GADL1: variants seen among roughly 807,000 people sequenced by gnomAD.
GADL1 encodes GAD like acidic amino acid decarboxylase 1, also known as acidic amino acid decarboxylase GADL1.
GADL1 carries 71 observed loss-of-function variants against 69.5 expected under a neutral mutation model. That is an observed-to-expected ratio of 1.02 (90% confidence interval 0.84 to 1.25). The LOEUF (loss-of-function observed/expected upper bound fraction) is 1.25, where lower values mean the gene tolerates loss of function less well. Ranked by LOEUF, GADL1 falls within the 50% of genes most tolerant of loss-of-function variation. GADL1 has a pLI of 0.00. For synonymous variants in GADL1, 254 were observed against 214.4 expected (o/e 1.18, Z -1.62); for missense variants, 737 against 631.8 (o/e 1.17, Z -1.79).
intron 13 of GADL1, among the ~76,000 whole-genome samples, chr3:30,780,222 T>A (rs1696633963): frequency 6.6e-6 from 1 of 152,208 alleles, no homozygotes; most frequent in Non-Finnish European, 1.5e-5. Context: ...TTCCAAGTTG[T>A]GGCATGGCCC....
At chr3:30,766,669 A>G (rs9823275) in intron 14 of GADL1, among the ~76,000 whole-genome samples, 15,356 of 152,182 alleles carry the variant, frequency 0.1, 2,110 homozygotes, top group African/African-American at 0.32. Flanking sequence ...CTGCCAAGCC[A>G]GTGTGTTTTT....
At chr3:30,765,792 T>C (rs564933567) in intron 14 of GADL1, among the ~76,000 whole-genome samples, 3 of 152,306 alleles carry the variant, frequency 2.0e-5, no homozygotes, top group South Asian at 4.1e-4. Context: ...TACTGTATCA[T>C]AGGGGAATTG....
At chr3:30,882,750 T>C (rs1698659366) in intron 1 of GADL1, among the ~76,000 whole-genome samples, 2 of 151,996 alleles carry the variant, frequency 1.3e-5, no homozygotes, top group South Asian at 4.1e-4. Flanking sequence ...CTATTTTACA[T>C]AGCAGTTACA....
chr3:30,846,799 C>A (rs1299406585), intron 6 of GADL1, among the ~76,000 whole-genome samples: 1 of 152,108 alleles, frequency 6.6e-6, no homozygotes, highest in African/African-American at 2.4e-5. Flanking sequence ...GTGGAGAAGA[C>A]CTGCAATCAC....
chr3:30,734,962 A>G (rs1695520954), intron 14 of GADL1, among the ~76,000 whole-genome samples: 2 of 152,174 alleles, frequency 1.3e-5, no homozygotes, highest in Non-Finnish European at 2.9e-5. Flanking sequence ...AAGAGGGGAA[A>G]ATAATAGCCT....
chr3:30,865,968 CAG>C (rs1430874489), intron 1 of GADL1, among the ~76,000 whole-genome samples: 1 of 151,114 alleles, frequency 6.6e-6, no homozygotes. Flanking sequence ...TTGCTTTGTT[CAG>C]AGAGATACAT....
At chr3:30,859,086 G>A (rs907783341) in intron 2 of GADL1, among the ~76,000 whole-genome samples, 3 of 151,968 alleles carry the variant, frequency 2.0e-5, no homozygotes, top group Non-Finnish European at 4.4e-5. Flanking sequence ...ACTTAGAGAG[G>A]TGGGGGCGGA....
chr3:30,761,663 T>C (rs1416764955), intron 14 of GADL1, among the ~76,000 whole-genome samples: 2 of 151,942 alleles, frequency 1.3e-5, no homozygotes, highest in Admixed American at 6.6e-5. Flanking sequence ...TGTAGTAACT[T>C]TTTAAAAAAG....
chr3:30,783,462 CTTG>C (rs1209309848), intron 13 of GADL1, among the ~76,000 whole-genome samples: 16 of 151,952 alleles, frequency 1.1e-4, no homozygotes, highest in Non-Finnish European at 1.8e-4. Context: ...TGGGTATTGT[CTTG>C]TTATGTTCAC....
chr3:30,754,083 G>A (rs1258039629), intron 14 of GADL1, among the ~76,000 whole-genome samples: 1 of 152,168 alleles, frequency 6.6e-6, no homozygotes, highest in African/African-American at 2.4e-5. Flanking sequence ...TAGTCACACA[G>A]GCTTTCCTGA....
chr3:30,825,527 T>G (rs1216001795), intron 11 of GADL1, among the ~76,000 whole-genome samples: 1 of 151,918 alleles, frequency 6.6e-6, no homozygotes, highest in Non-Finnish European at 1.5e-5. Flanking sequence ...CAGGTATGTT[T>G]TAAGATATCT....
intron 13 of GADL1, among the ~76,000 whole-genome samples, chr3:30,783,886 T>C (rs1030271725): frequency 6.6e-6 from 1 of 152,134 alleles, no homozygotes; most frequent in African/African-American, 2.4e-5. Context: ...AGGAAGAATA[T>C]ATAAAGAACT....
At chr3:30,749,758 G>A (rs751253341) in intron 14 of GADL1, among the ~76,000 whole-genome samples, 175 of 152,248 alleles carry the variant, frequency 1.1e-3, no homozygotes, top group Middle Eastern at 6.8e-3. Flanking sequence ...GGTTTCATTC[G>A]CCCCAGCTGA....
intron 14 of GADL1, among the ~76,000 whole-genome samples, chr3:30,775,446 CAT>C (rs1030858709): frequency 6.6e-5 from 10 of 152,188 alleles, no homozygotes; most frequent in African/African-American, 2.4e-4. Flanking sequence ...CATAAAACCT[CAT>C]AAACTATGTG....
chr3:30,814,624 G>A (rs1226315354), intron 11 of GADL1, among the ~76,000 whole-genome samples: 2 of 152,110 alleles, frequency 1.3e-5, no homozygotes, highest in East Asian at 3.9e-4. Flanking sequence ...TAGACCCCAT[G>A]CTTTAAGACA....
chr3:30,881,830 A>G (rs1415236526), intron 1 of GADL1, among the ~76,000 whole-genome samples: 1 of 151,906 alleles, frequency 6.6e-6, no homozygotes, highest in African/African-American at 2.4e-5. Context: ...ATAAAAAGTA[A>G]TTAGGTCATG....
intron 7 of GADL1, 26 bp downstream of exon 7, chr3:30,844,361 A>G (rs550335617): frequency 6.3e-7 from 1 of 1,589,462 alleles, no homozygotes; most frequent in African/African-American, 1.3e-5. Flanking sequence ...TCCACCCACC[A>G]GGCTTCCAGA....
intron 11 of GADL1, among the ~76,000 whole-genome samples, chr3:30,813,469 C>T (rs1395952605): frequency 6.6e-6 from 1 of 152,160 alleles, no homozygotes; most frequent in African/African-American, 2.4e-5. Context: ...AGCAAATCTT[C>T]ACCAAGAGCA....
intron 11 of GADL1, among the ~76,000 whole-genome samples, chr3:30,803,740 C>T (rs1157127800): frequency 6.6e-6 from 1 of 152,128 alleles, no homozygotes; most frequent in Non-Finnish European, 1.5e-5. Context: ...ACTTTCCTCC[C>T]AAAGATTTCA....
Sources: gnomAD v4.1 joint callset for allele counts (sites outside exome capture counted in the v4.1 genomes callset) on GRCh38, gnomAD v4.1.1 for gene constraint, MANE v1.5 for transcripts, NCBI Gene and HGNC (gene_info 2026-07-23, HGNC 2026-07-21) for gene names.